Variants in ZC3H12B observed in about 807,000 individuals in gnomAD.
ZC3H12B encodes probable ribonuclease ZC3H12B.
In ZC3H12B, 7 loss-of-function variants were observed where a neutral mutation model predicts 43.9. The ratio of observed to expected loss-of-function variants is 0.16; its 90% CI spans 0.09 to 0.30. The LOEUF (loss-of-function observed/expected upper bound fraction) is 0.30. Among genes scored for constraint, ZC3H12B ranks in the 10% least tolerant of loss-of-function variants. ZC3H12B has a pLI of 1.00. For missense variants in ZC3H12B, 475 were observed against 670.2 expected (o/e 0.71, Z 3.22); for synonymous variants, 222 against 241.7 (o/e 0.92, Z 0.76).
the ZC3H12B span, among the ~76,000 whole-genome samples, chrX:65,307,044 G>T: frequency 8.9e-6 from 1 of 112,528 alleles, no homozygotes; most frequent in South Asian, 3.6e-4. Context: ...TGAAGCATGA[G>T]AAAATTGTTA....
chrX:65,148,420 T>C, the ZC3H12B span, among the ~76,000 whole-genome samples: 2 of 111,850 alleles, frequency 1.8e-5, no homozygotes, highest in South Asian at 7.6e-4. Flanking sequence ...AGCCCAAAGC[T>C]GCTGGGGCCA....
At chrX:65,076,951 A>G in the ZC3H12B span, among the ~76,000 whole-genome samples, 2 of 111,236 alleles carry the variant, frequency 1.8e-5, no homozygotes, top group Non-Finnish European at 3.8e-5. Context: ...GTCAAATTGT[A>G]GTTTTCCTAG....
chrX:65,175,313 G>C, the ZC3H12B span, among the ~76,000 whole-genome samples: 1 of 111,546 alleles, frequency 9.0e-6, no homozygotes, highest in Non-Finnish European at 1.9e-5. Context: ...GAGCAGAGCT[G>C]TTCCTTTGGC....
chrX:65,306,510 C>T, the ZC3H12B span, among the ~76,000 whole-genome samples: 1 of 110,834 alleles, frequency 9.0e-6, no homozygotes, highest in Non-Finnish European at 1.9e-5. Context: ...GTAGCTGGGA[C>T]TACAGGCACA....
chrX:65,207,325 C>G, the ZC3H12B span, among the ~76,000 whole-genome samples: 1 of 109,028 alleles, frequency 9.2e-6, no homozygotes, highest in African/African-American at 3.3e-5. Flanking sequence ...AAAATAATGG[C>G]ATTTGAAGCC....
the ZC3H12B span, among the ~76,000 whole-genome samples, chrX:65,052,760 T>C: frequency 8.9e-6 from 1 of 112,017 alleles, no homozygotes. Flanking sequence ...AGATATCTCT[T>C]TGACATACCG....
chrX:65,080,448 G>T, the ZC3H12B span, among the ~76,000 whole-genome samples: 31 of 110,526 alleles, frequency 2.8e-4, no homozygotes, highest in Non-Finnish European at 5.5e-4. Context: ...AACTCCCGAA[G>T]GTCAAGGATA....
intron 2 of ZC3H12B, among the ~76,000 whole-genome samples, chrX:65,370,107 GA>G (rs1270007540): frequency 2.7e-5 from 3 of 111,851 alleles, no homozygotes; most frequent in East Asian, 2.8e-4. Context: ...AGAAGAGGAA[GA>G]AAAAAAGTAT....
chrX:65,443,181 A>T (rs1265540097), intron 3 of ZC3H12B, among the ~76,000 whole-genome samples: 1 of 111,366 alleles, frequency 9.0e-6, no homozygotes, highest in Middle Eastern at 4.2e-3. Flanking sequence ...CAGACCCCAT[A>T]TCTGTCCCAT....
At chrX:65,185,874 G>A in the ZC3H12B span, 1 of 111,444 alleles carries the variant, frequency 9.0e-6, no homozygotes, top group Non-Finnish European at 1.9e-5. Context: ...CTTATTTACT[G>A]ATGTGTGAAT....
chrX:65,347,579 G>A, the ZC3H12B span, among the ~76,000 whole-genome samples: 1 of 111,837 alleles, frequency 8.9e-6, no homozygotes. Flanking sequence ...TAAAAAGTCA[G>A]GAAACAGCAG....
At chrX:65,392,093 G>A (rs1362656041) in intron 2 of ZC3H12B, among the ~76,000 whole-genome samples, 1 of 111,452 alleles carries the variant, frequency 9.0e-6, no homozygotes, top group East Asian at 2.8e-4. Context: ...CTGGAGTGCA[G>A]TGGCATGATC....
chrX:65,445,254 T>C (rs1382683897), intron 3 of ZC3H12B, among the ~76,000 whole-genome samples: 1 of 112,238 alleles, frequency 8.9e-6, no homozygotes, highest in Non-Finnish European at 1.9e-5. Flanking sequence ...TCCTGGATTG[T>C]CTTGATGCTT....
intron 3 of ZC3H12B, among the ~76,000 whole-genome samples, chrX:65,413,403 C>T (rs1286614245): frequency 8.9e-6 from 1 of 111,818 alleles, no homozygotes; most frequent in African/African-American, 3.2e-5. Context: ...CTGTTTTCTT[C>T]TAAGAGTTTT....
chrX:65,233,848 A>C, the ZC3H12B span, among the ~76,000 whole-genome samples: 1 of 111,627 alleles, frequency 9.0e-6, no homozygotes, highest in Admixed American at 9.5e-5. Flanking sequence ...ACTATGAAAA[A>C]CAGGGAAGAC....
intron 3 of ZC3H12B, among the ~76,000 whole-genome samples, chrX:65,428,798 G>C (rs1023091218): frequency 1.8e-5 from 2 of 112,274 alleles, no homozygotes; most frequent in Non-Finnish European, 3.8e-5. Context: ...GCTCTTCCTG[G>C]AGAGGTCATT....
intron 2 of ZC3H12B, among the ~76,000 whole-genome samples, chrX:65,378,034 G>A (rs1039326363): frequency 9.0e-6 from 1 of 110,899 alleles, no homozygotes; most frequent in African/African-American, 3.3e-5. Flanking sequence ...GGGGGGTGAA[G>A]CTTGCAGTGA....
the ZC3H12B span, chrX:65,328,374 A>T: frequency 4.2e-6 from 1 of 240,185 alleles, no homozygotes; most frequent in Non-Finnish European, 8.4e-6. Context: ...ATGATCCTTT[A>T]TAATGAAACC....
intron 2 of ZC3H12B, among the ~76,000 whole-genome samples, chrX:65,388,435 G>T (rs2066562137): frequency 8.9e-6 from 1 of 111,825 alleles, no homozygotes; most frequent in African/African-American, 3.3e-5. Context: ...GATCAAATCG[G>T]CTACTGAGGC....
Sources: allele counts gnomAD v4.1 joint callset (sites outside exome capture counted in the v4.1 genomes callset), GRCh38; gene constraint gnomAD v4.1.1; transcripts MANE v1.5; gene names NCBI Gene and HGNC (gene_info 2026-07-23, HGNC 2026-07-21).